The following TJP1 variants were observed in gnomAD, a reference collection of about 807,000 sequenced individuals.
The protein encoded by TJP1 is tight junction protein ZO-1.
In TJP1, 43 loss-of-function variants were observed where a neutral mutation model predicts 194.2. The ratio of observed to expected loss-of-function variants is 0.22; its 90% CI spans 0.17 to 0.29. TJP1 has a LOEUF of 0.29. Ranked by LOEUF, TJP1 falls within the 10% of genes least tolerant of loss-of-function variation. TJP1 has a pLI of 1.00. For synonymous variants in TJP1, 801 were observed against 779.0 expected (o/e 1.03, Z -0.47); for missense variants, 1,971 against 2,185.7 (o/e 0.90, Z 1.96).
intron 2 of TJP1, among the ~76,000 whole-genome samples, chr15:29,891,657 T>G (rs2053312402): frequency 6.6e-6 from 1 of 152,228 alleles, no homozygotes; most frequent in South Asian, 2.1e-4. Context: ...TTCTTATATC[T>G]GTTGTGGTGA....
At chr15:29,741,196 T>C in intron 10 of TJP1, 135 bp downstream of exon 10, 1 of 654,042 alleles carries the variant, frequency 1.5e-6, no homozygotes. Context: ...GAATGTTAAA[T>C]ATAAAAATAA....
intron 2 of TJP1, among the ~76,000 whole-genome samples, chr15:29,773,619 T>G (rs1314343146): frequency 6.6e-6 from 1 of 152,214 alleles, no homozygotes; most frequent in Non-Finnish European, 1.5e-5. Context: ...TAAAAATTAT[T>G]AACACTGAGA....
At chr15:29,813,279 G>C (rs1187936719) in intron 1 of TJP1, among the ~76,000 whole-genome samples, 1 of 151,958 alleles carries the variant, frequency 6.6e-6, no homozygotes, top group African/African-American at 2.4e-5. Context: ...ATAATCATAG[G>C]AACACCAAAA....
intron 2 of TJP1, among the ~76,000 whole-genome samples, chr15:29,866,227 G>A (rs1206434165): frequency 6.6e-6 from 1 of 152,062 alleles, no homozygotes; most frequent in Non-Finnish European, 1.5e-5. Context: ...ATGTCACCTG[G>A]TCCTGCTCCC....
intron 8 of TJP1, among the ~76,000 whole-genome samples, chr15:29,754,795 C>T (rs1242566876): frequency 6.6e-6 from 1 of 152,168 alleles, no homozygotes; most frequent in Non-Finnish European, 1.5e-5. Flanking sequence ...CATGTTGGCA[C>T]TCAAGTTTTG....
chr15:29,755,451 G>A (rs574662841), intron 8 of TJP1, among the ~76,000 whole-genome samples: 2 of 152,264 alleles, frequency 1.3e-5, no homozygotes, highest in South Asian at 2.1e-4. Flanking sequence ...TTGGCCAAAC[G>A]TGAATTTAGG....
At chr15:29,958,945 T>C (rs2056052411) in intron 1 of TJP1, among the ~76,000 whole-genome samples, 1 of 152,212 alleles carries the variant, frequency 6.6e-6, no homozygotes, top group African/African-American at 2.4e-5. Context: ...GCCATTGTCT[T>C]TTCTATGAAT....
intron 3 of TJP1, 90 bp downstream of exon 3, chr15:29,773,143 A>C: frequency 6.9e-7 from 1 of 1,451,370 alleles, no homozygotes; most frequent in East Asian, 2.4e-5. Context: ...AATATGACAA[A>C]ATCACTAAGA....
chr15:29,762,103 A>G (rs1239355122), intron 6 of TJP1, among the ~76,000 whole-genome samples: 5 of 152,336 alleles, frequency 3.3e-5, no homozygotes, highest in East Asian at 1.9e-4. Flanking sequence ...AGACATATCT[A>G]TCTACAAAGT....
At chr15:29,753,458 T>A (rs146876393) in intron 8 of TJP1, among the ~76,000 whole-genome samples, 6,381 of 122,340 alleles carry the variant, frequency 0.052, 157 homozygotes, top group South Asian at 0.085. Context: ...CACTCCAGCC[T>A]GGGAGACAGA....
rs767859396 is a variant in TJP1 at position 29,718,625 on chromosome 15, G to A, written c.3517C>T (p.Pro1173Ser). The change falls in exon 21 of 28, where the codon CCG becomes TCG. Residue 1173 changes from proline (P) to serine (S), a missense_variant. By Grantham distance (74) the Pro-to-Ser change is moderately conservative. Around this residue, in one of 5 missense-constraint regions of TJP1, gnomAD observed 1,108 missense variants for 1,128.5 expected, o/e 0.98. Coordinates refer to ENST00000614355, the MANE Select transcript of TJP1 (RefSeq NM_001330239.4). ...GCTGAAGGGTGGGGCTGGGCTTCCGGTCTGAGTCTACCATGTGTGTCATAC... is the reference window on the plus strand; with the variant it reads ...GCTGAAGGGTGGGGCTGGGCTTCCGATCTGAGTCTACCATGTGTGTCATAC... ...PGYDTHGRLR[P>S]EAQPHPSAGP... 3.1e-6 allele frequency: 5 copies of A among 1,614,180 alleles called. No individual in the cohort carries two copies. In the South Asian group the frequency reaches 5.5e-5, roughly 18 times the overall value.
At chr15:29,707,628 T>C (rs1173354189) in intron 25 of TJP1, among the ~76,000 whole-genome samples, 1 of 152,186 alleles carries the variant, frequency 6.6e-6, no homozygotes, top group African/African-American at 2.4e-5. Flanking sequence ...TGAGCTTTTA[T>C]GTATGGCCAG....
chr15:29,797,883 A>C (rs577707746), intron 2 of TJP1, among the ~76,000 whole-genome samples: 136 of 152,354 alleles, frequency 8.9e-4, no homozygotes, highest in South Asian at 3.5e-3. Flanking sequence ...AGGTTTGAAT[A>C]CATTTTACCA....
intron 2 of TJP1, among the ~76,000 whole-genome samples, chr15:29,853,464 C>T (rs879415830): frequency 6.6e-6 from 1 of 152,108 alleles, no homozygotes; most frequent in Non-Finnish European, 1.5e-5. Flanking sequence ...TCCTGGTTAT[C>T]CTTCTATAAA....
chr15:29,732,515 C>T lies in TJP1; in HGVS notation c.1935G>A (p.Arg645=). The stretch of plus-strand genomic sequence containing the variant: ...CTATTGGTCCAAAAATGGTTACAGG[C>T]CTCAGAAATCCAGCTGGAGAGAAAT... ...RVVLREAGFL[R]PVTIFGPIAD... Residue 645 remains arginine (R), a synonymous_variant, in exon 15 of 28, where the codon AGG becomes AGA. Transcript: ENST00000614355. 6.2e-7 allele frequency: 1 copy of T among 1,614,098 alleles called. No individual in the cohort carries two copies. The highest frequency in any genetic ancestry group is 8.5e-7 in the Non-Finnish European group (1 of 1,180,018).
chr15:29,782,452 C>T (rs959613130), intron 2 of TJP1, among the ~76,000 whole-genome samples: 15 of 152,110 alleles, frequency 9.9e-5, no homozygotes, highest in African/African-American at 3.4e-4. Flanking sequence ...GGAAAGGATT[C>T]CTTATTCAAT....
In TJP1 at chr15:29,720,016, T is replaced by G; in HGVS notation, c.2764A>C (p.Lys922Gln). Residue 922 changes from lysine to glutamine, a missense_variant and splice_region_variant, in exon 20 of 28, where the codon AAA becomes CAA. By Grantham distance (53) the Lys-to-Gln change is moderately conservative. Transcript: ENST00000614355. ...GGGACTGGAGATGAAGCTTCTGCTT[T>G]CTGTGAAGTGTTTAAAATATTTTAA... ...SPGFKPASQQKAEASSPVPYL... is the reference protein window; with the variant it reads ...SPGFKPASQQQAEASSPVPYL... 6.3e-7 allele frequency: 1 copy of G among 1,598,278 alleles called. No individual in the cohort carries two copies. The highest frequency in any genetic ancestry group is 1.1e-5 in the South Asian group (1 of 87,838).
intron 18 of TJP1, among the ~76,000 whole-genome samples, chr15:29,725,932 T>C (rs1265370359): frequency 6.6e-6 from 1 of 152,192 alleles, no homozygotes; most frequent in East Asian, 1.9e-4. Context: ...TTATTTCCCA[T>C]CCGCTGCTTG....
chr15:29,949,463 A>T (rs2055479932), intron 2 of TJP1, among the ~76,000 whole-genome samples: 8 of 101,070 alleles, frequency 7.9e-5, no homozygotes, highest in African/African-American at 2.6e-4. Context: ...CACCACTTCC[A>T]CCACCACCAC....
Sources: gnomAD v4.1 joint callset for allele counts (sites outside exome capture counted in the v4.1 genomes callset) on GRCh38, gnomAD v4.1.1 for gene constraint, gnomAD v4.1.1 regional missense constraint, MANE v1.5 for transcripts, NCBI Gene and HGNC (gene_info 2026-07-23, HGNC 2026-07-21) for gene names.